CPM: variants seen among roughly 807,000 people sequenced by gnomAD.
CPM encodes the protein carboxypeptidase M.
A neutral mutation model predicts 46.4 loss-of-function variants in CPM; 35 were observed. That is an observed-to-expected ratio of 0.75 (90% CI 0.58 to 1.00). CPM has a LOEUF of 1.00. Ranked by LOEUF, CPM falls within the 50% of genes least tolerant of loss-of-function variation. The pLI is 0.00. For missense variants in CPM, 422 were observed against 530.4 expected (o/e 0.80, Z 2.01); for synonymous variants, 195 against 195.3 (o/e 1.00, Z 0.01).
chr12:68,880,160 G>A (rs781637647), intron 3 of CPM, among the ~76,000 whole-genome samples: 3 of 151,972 alleles, frequency 2.0e-5, no homozygotes, highest in Non-Finnish European at 4.4e-5. Context: ...AGGAGCTTGC[G>A]TAAATTAAAC....
At chr12:68,941,086 C>CT (rs1888752151) in intron 1 of CPM, among the ~76,000 whole-genome samples, 1 of 151,692 alleles carries the variant, frequency 6.6e-6, no homozygotes, top group Middle Eastern at 3.4e-3. Flanking sequence ...CAATATTTGT[C>CT]TTTTTGTGAC....
intron 2 of CPM, among the ~76,000 whole-genome samples, chr12:68,896,292 C>A (rs1298471384): frequency 1.3e-5 from 2 of 152,174 alleles, no homozygotes; most frequent in Admixed American, 6.5e-5. Flanking sequence ...CCCTACCACC[C>A]TAAGTTAGAT....
At chr12:68,859,147 C>T (rs923073056) in intron 7 of CPM, 76 bp from the exon 8 acceptor site, 14 of 749,414 alleles carry the variant, frequency 1.9e-5, no homozygotes, top group East Asian at 6.8e-5. Flanking sequence ...TATTTAAGAA[C>T]AATATATGCA....
rs115222580 is a variant in CPM, at chr12:68,867,163, T to C, written c.788-115A>G. ...CTACATGTAAACAGGAAAAAATGAA[T>C]TTGACATATTAGCTTGTAAAATCAG... On this transcript the variant is annotated intron_variant, in intron 6 of 8. Coordinates refer to ENST00000551568, the MANE Select transcript of CPM (RefSeq NM_198320.5). The C allele has an allele frequency of 1.9e-3, 1,936 of 1,021,262 alleles. 35 individuals are homozygous for C. In the African/African-American group the frequency reaches 0.028, roughly 15 times the overall value. 63.3% of individuals were successfully genotyped at this position (1,021,262 alleles called of 1,614,324 possible). A position where few individuals can be genotyped will look rare whatever the true frequency, so the allele number is the denominator to read the frequency against.
chr12:68,961,288 G>GGCACAT (rs1314671257), intron 1 of CPM, among the ~76,000 whole-genome samples: 2 of 152,102 alleles, frequency 1.3e-5, no homozygotes, highest in Non-Finnish European at 2.9e-5. Context: ...TGGGACTGCA[G>GGCACAT]GCACATGCCC....
intron 4 of CPM, among the ~76,000 whole-genome samples, chr12:68,871,429 C>T (rs1415558794): frequency 6.6e-6 from 1 of 151,964 alleles, no homozygotes; most frequent in East Asian, 1.9e-4. Context: ...GAGAAAGAGT[C>T]TTGGAGGAAA....
At chr12:68,923,400 C>T (rs539059619) in intron 2 of CPM, among the ~76,000 whole-genome samples, 3 of 152,208 alleles carry the variant, frequency 2.0e-5, no homozygotes, top group South Asian at 4.1e-4. Flanking sequence ...CAGATACACA[C>T]GTTCAGGGAT....
chr12:68,906,363 A>G (rs1450778319), intron 2 of CPM, among the ~76,000 whole-genome samples: 2 of 152,244 alleles, frequency 1.3e-5, no homozygotes, highest in African/African-American at 2.4e-5. Flanking sequence ...ACTCTAATTC[A>G]CGCCATTAAG....
chr12:68,898,259 G>T (rs1387054741), intron 2 of CPM, among the ~76,000 whole-genome samples: 28 of 152,090 alleles, frequency 1.8e-4, no homozygotes, highest in Non-Finnish European at 1.5e-5. Flanking sequence ...TTTGTTGGAG[G>T]TCTGCACAGC....
At chr12:68,859,392 T>C (rs1005504201) in intron 7 of CPM, among the ~76,000 whole-genome samples, 1 of 152,214 alleles carries the variant, frequency 6.6e-6, no homozygotes, top group Admixed American at 6.5e-5. Flanking sequence ...GTCACCAAAC[T>C]GTACTACAAC....
chr12:68,845,868 A>G (rs530531529), intron 5 of CPM: 68 of 152,490 alleles, frequency 4.5e-4, no homozygotes, highest in Non-Finnish European at 6.9e-4. Flanking sequence ...GGCTCAAGCA[A>G]TCCTCCCACC....
chr12:68,918,518 A>G (rs946553671), intron 2 of CPM, among the ~76,000 whole-genome samples: 4 of 152,134 alleles, frequency 2.6e-5, no homozygotes, highest in Non-Finnish European at 5.9e-5. Flanking sequence ...TAACATAAGA[A>G]CACTTCATAC....
At chr12:68,876,822 A>T (rs1387346273) in intron 3 of CPM, among the ~76,000 whole-genome samples, 2 of 152,142 alleles carry the variant, frequency 1.3e-5, no homozygotes, top group Non-Finnish European at 2.9e-5. Flanking sequence ...AAAAAACAGA[A>T]AAAAATTTTT....
Position 68,869,391 on chromosome 12 carries a change from C to A in CPM, c.721G>T (p.Glu241Ter). ...GGAAAGTTCATTTTGTTTTTACACT[C>A]GTCTCCTTTCTTCATGTTGGGATTT... ...SRNPNMKKGD[E>*]CKNKMNFPNG... Residue 241 changes from glutamate (E) to a stop codon, truncating the protein, a stop_gained, in exon 6 of 9, where the codon GAG becomes TAG. Coordinates refer to ENST00000551568, the MANE Select transcript of CPM (RefSeq NM_198320.5). LOFTEE classifies it high-confidence loss of function. 2 of 1,614,020 alleles carry A rather than the reference C, an allele frequency of 1.2e-6. No homozygotes were observed. The highest frequency in any genetic ancestry group is 1.7e-6 in the Non-Finnish European group (2 of 1,179,966).
At chr12:68,862,945 G>A (rs757909746) in intron 7 of CPM, among the ~76,000 whole-genome samples, 67 of 152,260 alleles carry the variant, frequency 4.4e-4, no homozygotes, top group Admixed American at 1.6e-3. Context: ...GTGGCCAGAT[G>A]GGGAGATACA....
chr12:68,902,989 G>A (rs1182852115), intron 2 of CPM, among the ~76,000 whole-genome samples: 1 of 152,214 alleles, frequency 6.6e-6, no homozygotes, highest in Non-Finnish European at 1.5e-5. Context: ...TCCAATAGAT[G>A]AGCATTATTT....
intron 1 of CPM, among the ~76,000 whole-genome samples, chr12:68,944,659 C>T (rs1167903880): frequency 4.6e-5 from 7 of 151,850 alleles, no homozygotes; most frequent in African/African-American, 1.5e-4. Context: ...CTCAGCCTCC[C>T]AAAATACAGG....
chr12:68,934,562 C>T (rs140224045), upstream of CPM, among the ~76,000 whole-genome samples: 1 of 152,244 alleles, frequency 6.6e-6, no homozygotes, highest in African/African-American at 2.4e-5. Flanking sequence ...CATGTCCGTA[C>T]AAAGGACATG....
chr12:68,940,380 A>T (rs1248305650), intron 1 of CPM, among the ~76,000 whole-genome samples: 11 of 151,768 alleles, frequency 7.2e-5, no homozygotes, highest in African/African-American at 2.7e-4. Context: ...TGTATCCAAC[A>T]TTACAGTATC....
Sources: gnomAD v4.1 joint callset for allele counts (sites outside exome capture counted in the v4.1 genomes callset) on GRCh38, gnomAD v4.1.1 for gene constraint, MANE v1.5 for transcripts, NCBI Gene and HGNC (gene_info 2026-07-23, HGNC 2026-07-21) for gene names.